Variants in TSPAN11 observed in about 807,000 individuals in gnomAD.
TSPAN11 encodes tetraspanin-11.
TSPAN11 carries 29 observed loss-of-function variants against 32.9 expected under a neutral mutation model. The observed-to-expected ratio is 0.88, with a 90% CI of 0.66 to 1.20. The LOEUF is 1.20. TSPAN11 is among the 50% of genes most tolerant of loss of function. TSPAN11 has a pLI of 0.00. For missense variants in TSPAN11, 283 were observed against 329.1 expected (o/e 0.86, Z 1.08); for synonymous variants, 140 against 141.3 (o/e 0.99, Z 0.07).
chr12:30,979,433 G>A, intron 4 of TSPAN11, 133 bp from the exon 5 acceptor site: 1 of 795,930 alleles, frequency 1.3e-6, no homozygotes, highest in South Asian at 1.7e-5. Flanking sequence ...ACGCTGTTGA[G>A]AAACCTCCGC....
chr12:30,983,941 G>A (rs908137249), intron 7 of TSPAN11, among the ~76,000 whole-genome samples: 1 of 152,178 alleles, frequency 6.6e-6, no homozygotes, highest in Non-Finnish European at 1.5e-5. Flanking sequence ...CCCTCATCCA[G>A]CTGTCTCCCT....
chr12:30,944,097 A>T (rs1938219643), intron 1 of TSPAN11, among the ~76,000 whole-genome samples: 1 of 151,980 alleles, frequency 6.6e-6, no homozygotes. Context: ...AGTTTTGTGG[A>T]GAGTTTTCTT....
chr12:30,983,172 G>C (rs1939131236), intron 7 of TSPAN11, 22 bp downstream of exon 7: 1 of 1,600,870 alleles, frequency 6.2e-7, no homozygotes. Context: ...TGCGGGGACT[G>C]GTGGGGGTGG....
intron 1 of TSPAN11, chr12:30,927,078 T>C (rs1937813615): frequency 3.2e-6 from 4 of 1,260,534 alleles, no homozygotes; most frequent in Non-Finnish European, 4.1e-6. Context: ...TCTGCACTTG[T>C]GCCTTGGGAG....
chr12:30,942,892 A>T (rs1330682515), intron 1 of TSPAN11, among the ~76,000 whole-genome samples: 2 of 152,178 alleles, frequency 1.3e-5, no homozygotes, highest in Non-Finnish European at 2.9e-5. Flanking sequence ...GGTCCAAAAG[A>T]GTTGCCTGAA....
chr12:30,970,042 C>G (rs1355262585), intron 3 of TSPAN11, among the ~76,000 whole-genome samples: 2 of 152,328 alleles, frequency 1.3e-5, no homozygotes, highest in Non-Finnish European at 2.9e-5. Context: ...TTTGTCCTAC[C>G]CTTGCCCCTT....
chr12:30,941,077 G>A (rs928457851), intron 1 of TSPAN11, among the ~76,000 whole-genome samples: 6 of 152,196 alleles, frequency 3.9e-5, no homozygotes, highest in Non-Finnish European at 1.5e-5. Context: ...GGGGACCGCT[G>A]TTACAAGGTA....
At chr12:30,957,646 TCCCTC>T (rs1938512005) in intron 2 of TSPAN11, among the ~76,000 whole-genome samples, 2 of 42,862 alleles carry the variant, frequency 4.7e-5, no homozygotes, top group African/African-American at 6.1e-5. Context: ...CCTCCCTCCC[TCCCTC>T]CCTTCCTCCC....
chr12:30,999,961 TAGC>T (rs1482415536), downstream of TSPAN11, among the ~76,000 whole-genome samples: 1 of 151,024 alleles, frequency 6.6e-6, no homozygotes, highest in African/African-American at 2.4e-5. Context: ...AAGTCCCGAA[TAGC>T]AGCATCAATC....
the TSPAN11 span, among the ~76,000 whole-genome samples, chr12:31,003,181 T>C: frequency 6.6e-6 from 1 of 152,246 alleles, no homozygotes; most frequent in Admixed American, 6.5e-5. Context: ...CTCAGGGGAA[T>C]TCTGCCCCAA....
chr12:30,951,316 C>CT (rs1454642112), intron 1 of TSPAN11, among the ~76,000 whole-genome samples: 2 of 152,172 alleles, frequency 1.3e-5, no homozygotes, highest in African/African-American at 4.8e-5. Context: ...TTCCAGGTGA[C>CT]TAAGTATCTA....
intron 7 of TSPAN11, among the ~76,000 whole-genome samples, chr12:30,991,297 C>T (rs1246236621): frequency 6.6e-6 from 1 of 152,160 alleles, no homozygotes; most frequent in African/African-American, 2.4e-5. Flanking sequence ...GTCTCAGTTT[C>T]CCCCATGGCT....
chr12:30,952,686 TG>T (rs1367849084), intron 1 of TSPAN11, among the ~76,000 whole-genome samples: 1 of 151,972 alleles, frequency 6.6e-6, no homozygotes, highest in Non-Finnish European at 1.5e-5. Flanking sequence ...ATGGTCCAGT[TG>T]GGGGTTGGAA....
the TSPAN11 span, among the ~76,000 whole-genome samples, chr12:31,011,456 A>G: frequency 6.6e-6 from 1 of 152,206 alleles, no homozygotes; most frequent in Admixed American, 6.5e-5. Flanking sequence ...ATGAGGCCAC[A>G]TTTAACCACT....
At chr12:30,957,228 A>AG in intron 2 of TSPAN11, among the ~76,000 whole-genome samples, 1 of 107,466 alleles carries the variant, frequency 9.3e-6, no homozygotes, top group Admixed American at 1.0e-4. Flanking sequence ...ATGGCCTGGG[A>AG]CCCCCCCCCC....
chr12:30,979,606 C>G lies in TSPAN11; in HGVS notation c.392C>G (p.Ala131Gly). The stretch of plus-strand genomic sequence containing the variant: ...AAGCAGCACTTGAACCGGACTCTGG[C>G]TGAGAACTACGGGCAGCCCGGAGCC... ...ELKQHLNRTL[A>G]ENYGQPGATQ... The change falls in exon 5 of 8, where the codon GCT becomes GGT. Residue 131 changes from alanine (A) to glycine (G), a missense_variant. Transcript: ENST00000546076. The G allele has an allele frequency of 1.2e-6, 2 of 1,614,210 alleles. No homozygotes were observed. Among genetic ancestry groups the G allele is most frequent in the Non-Finnish European group, 1.7e-6 (2 of 1,180,048 alleles).
intron 1 of TSPAN11, among the ~76,000 whole-genome samples, chr12:30,944,504 T>G (rs1323454865): frequency 6.6e-6 from 1 of 152,232 alleles, no homozygotes; most frequent in Non-Finnish European, 1.5e-5. Flanking sequence ...CTTATTTCGC[T>G]TAACATAAGC....
the TSPAN11 span, among the ~76,000 whole-genome samples, chr12:31,008,298 T>G: frequency 0.91 from 137,937 of 152,224 alleles, 62,590 homozygotes; most frequent in Middle Eastern, 0.95. Flanking sequence ...GCTGAAAGCT[T>G]CCTGTCCACA....
At chr12:30,927,129 C>T in intron 1 of TSPAN11, 5 of 898,258 alleles carry the variant, frequency 5.6e-6, no homozygotes, top group Non-Finnish European at 7.6e-6. Flanking sequence ...GTCCAGCGTG[C>T]CCGGGGCATG....
Sources: allele counts gnomAD v4.1 joint callset (sites outside exome capture counted in the v4.1 genomes callset), GRCh38; gene constraint gnomAD v4.1.1; transcripts MANE v1.5; gene names NCBI Gene and HGNC (gene_info 2026-07-23, HGNC 2026-07-21).